The following GPR173 variants were observed in gnomAD, a reference collection of about 807,000 sequenced individuals.
The protein encoded by GPR173 is G protein-coupled receptor 173.
GPR173 carries 2 observed loss-of-function variants against 13.9 expected under a neutral mutation model. The ratio of observed to expected loss-of-function variants is 0.14; its 90% confidence interval spans 0.06 to 0.45. The LOEUF is 0.45. GPR173 is among the 20% of genes least tolerant of loss of function. The pLI is 0.98. For synonymous variants in GPR173, 131 were observed against 141.0 expected (o/e 0.93, Z 0.50); for missense variants, 202 against 340.5 (o/e 0.59, Z 3.20).
intron 1 of GPR173, among the ~76,000 whole-genome samples, chrX:53,058,423 ACGTGTGTG>A (rs1486401070): frequency 2.4e-5 from 2 of 82,202 alleles, no homozygotes; most frequent in African/African-American, 1.3e-4. Context: ...ATCCAGGTGC[ACGTGTGTG>A]TGTGTGTGTG....
Position 53,079,370 on chromosome X carries a change from A to G in GPR173, c.*1627A>G, listed in dbSNP as rs1335148180. Reference sequence around the variant, plus strand: ...CTGGAAAGGCAGGCCAGAGTGGCTGAGAGGCTGGGAGTAGGGGAGCCTGTT... The same window carrying G: ...CTGGAAAGGCAGGCCAGAGTGGCTGGGAGGCTGGGAGTAGGGGAGCCTGTT... On this transcript the variant is annotated 3_prime_UTR_variant, in exon 2 of 2. Transcript: ENST00000332582. The G allele has an allele frequency of 1.0e-5, 1 of 100,097 alleles. No homozygotes were observed. The highest frequency in any genetic ancestry group is 2.1e-5 in the Non-Finnish European group (1 of 46,870). 8.2% of individuals were successfully genotyped at this position (100,097 alleles called of 1,213,427 possible).
At chrX:53,049,533 TTC>T (rs1275887968) in intron 1 of GPR173, 49 bp downstream of exon 1, 1 of 111,580 alleles carries the variant, frequency 9.0e-6, no homozygotes, top group Non-Finnish European at 1.9e-5. Flanking sequence ...GGGACTTCTG[TTC>T]TGTCTCCCCA....
Position 53,077,477 on chromosome X carries a change from C to T in GPR173, c.856C>T (p.Arg286Cys), listed in dbSNP as rs782755720. Residue 286 changes from arginine (R) to cysteine (C), a missense_variant, in exon 2 of 2, where the codon CGC becomes TGC. This residue lies in a region of GPR173 where 76 missense variants were observed against 116.3 expected (regional missense o/e 0.65). Transcript: ENST00000332582. ...DEVKGEKQLG[R>C]MFYAITLLFL... ...GGTCAAGGGTGAAAAGCAGCTGGGC[C>T]GCATGTTCTACGCGATCACACTGCT... is the stretch of plus-strand genomic sequence containing the variant. 2.5e-6 allele frequency: 3 copies of T among 1,211,156 alleles called. No individual in the cohort carries two copies. The highest frequency in any genetic ancestry group is 2.2e-6 in the Non-Finnish European group (2 of 895,095).
At chrX:53,056,092 G>A (rs186215276) in intron 1 of GPR173, among the ~76,000 whole-genome samples, 1 of 109,542 alleles carries the variant, frequency 9.1e-6, no homozygotes, top group Non-Finnish European at 1.9e-5. Flanking sequence ...AGGTGTGCCT[G>A]GTTCAGGTAT....
chrX:53,075,308 C>T (rs1207591500), intron 1 of GPR173, among the ~76,000 whole-genome samples: 1 of 107,089 alleles, frequency 9.3e-6, no homozygotes, highest in African/African-American at 3.4e-5. Context: ...TGAAGCCTCC[C>T]CTGTCCACCT....
At chrX:53,058,233 G>A (rs1329202011) in intron 1 of GPR173, among the ~76,000 whole-genome samples, 1 of 112,221 alleles carries the variant, frequency 8.9e-6, no homozygotes, top group African/African-American at 3.2e-5. Context: ...GGTGTGACCT[G>A]CACTGCTGGT....
chrX:53,068,830 G>C (rs1932220788), intron 1 of GPR173, among the ~76,000 whole-genome samples: 1 of 106,517 alleles, frequency 9.4e-6, no homozygotes, highest in African/African-American at 3.5e-5. Context: ...GCTCAGGCTT[G>C]TAATCCCAGC....
At chrX:53,063,022 G>A (rs1932149738) in intron 1 of GPR173, among the ~76,000 whole-genome samples, 1 of 110,373 alleles carries the variant, frequency 9.1e-6, no homozygotes, top group African/African-American at 3.3e-5. Context: ...TTGCACATTC[G>A]TGGTCCTGTA....
In GPR173 at chrX:53,077,305, G is replaced by C; in HGVS notation, c.684G>C (p.Gln228His). 1 of 1,192,754 alleles carries C rather than the reference G, an allele frequency of 8.4e-7. No individual in the cohort carries two copies. The highest frequency in any genetic ancestry group is 1.8e-5 in the South Asian group (1 of 54,868). ...TGCAGATGGTGCCAGCCATCAGCCAGAACTGGACATTCCATGGTCCCGGGG... is the reference window on the plus strand; with the variant it reads ...TGCAGATGGTGCCAGCCATCAGCCACAACTGGACATTCCATGGTCCCGGGG... ...KPVQMVPAIS[Q>H]NWTFHGPGAT... Residue 228 changes from glutamine to histidine, a missense_variant, in exon 2 of 2, where the codon CAG becomes CAC. Transcript: ENST00000332582.
chrX:53,058,832 T>G (rs1932077039), intron 1 of GPR173, among the ~76,000 whole-genome samples: 1 of 111,295 alleles, frequency 9.0e-6, no homozygotes, highest in African/African-American at 3.3e-5. Context: ...GTTCATGTAG[T>G]TTGGTTCATA....
chrX:53,073,353 C>T (rs781975556), intron 1 of GPR173, among the ~76,000 whole-genome samples: 5 of 110,778 alleles, frequency 4.5e-5, no homozygotes, highest in Non-Finnish European at 7.6e-5. Context: ...AGTTCCACCC[C>T]CTAATCCCAG....
At chrX:53,058,256 G>A (rs1932067943) in intron 1 of GPR173, among the ~76,000 whole-genome samples, 1 of 112,372 alleles carries the variant, frequency 8.9e-6, no homozygotes, top group African/African-American at 3.2e-5. Flanking sequence ...GTCTGCACAT[G>A]TGAGCATGCT....
chrX:53,060,160 AT>A (rs1556803621), intron 1 of GPR173, among the ~76,000 whole-genome samples: 1 of 108,040 alleles, frequency 9.3e-6, no homozygotes, highest in Non-Finnish European at 1.9e-5. Flanking sequence ...AAACAAAAAA[AT>A]TTTTTGAGAC....
At chrX:53,057,608 G>A (rs1314209799) in intron 1 of GPR173, among the ~76,000 whole-genome samples, 2 of 104,645 alleles carry the variant, frequency 1.9e-5, no homozygotes, top group Non-Finnish European at 3.9e-5. Context: ...CACAAAATTA[G>A]CCAGGCGTGG....
chrX:53,054,681 G>A (rs1217572934), intron 1 of GPR173, among the ~76,000 whole-genome samples: 1 of 108,722 alleles, frequency 9.2e-6, no homozygotes, highest in Non-Finnish European at 1.9e-5. Flanking sequence ...GGGTGAGGAT[G>A]TGTGTATTTG....
intron 1 of GPR173, 128 bp downstream of exon 1, chrX:53,049,612 T>C (rs1931924581): frequency 8.9e-6 from 1 of 111,998 alleles, no homozygotes; most frequent in African/African-American, 3.3e-5. Context: ...AGTCTCTTTC[T>C]GCTCCATCAA....
At chrX:53,075,071 G>C (rs186284801) in intron 1 of GPR173, among the ~76,000 whole-genome samples, 1 of 105,242 alleles carries the variant, frequency 9.5e-6, no homozygotes, top group Non-Finnish European at 1.9e-5. Context: ...CGGCCTCCCT[G>C]ATCTGACCTC....
At chrX:53,062,572 C>T (rs73634280) in intron 1 of GPR173, among the ~76,000 whole-genome samples, 3,978 of 40,815 alleles carry the variant, frequency 0.097, 206 homozygotes, top group African/African-American at 0.26. Flanking sequence ...TTGTCTTCTT[C>T]TTTTTTTTTT....
In GPR173 at chrX:53,072,911, T is replaced by G. The variant is rs1459671992; in HGVS notation, c.-97-3614T>G. ...TAGTTTGGCCTCCTGTCATGGGCTC[T>G]GAGATTTCAGGGTGCCATTAAAAAG... On this transcript the variant is annotated intron_variant, in intron 1 of 1. Transcript: ENST00000332582. Among the ~76,000 whole-genome samples the G allele has an allele frequency of 2.7e-5, 3 of 111,198 alleles. No homozygotes were observed. The East Asian group carries it at 8.5e-4, about 31-fold the overall frequency.
Sources: gnomAD v4.1 joint callset for allele counts (sites outside exome capture counted in the v4.1 genomes callset) on GRCh38, gnomAD v4.1.1 for gene constraint, gnomAD v4.1.1 regional missense constraint, MANE v1.5 for transcripts, NCBI Gene and HGNC (gene_info 2026-07-23, HGNC 2026-07-21) for gene names.